INTS3: variants seen among roughly 807,000 people sequenced by gnomAD.
INTS3 encodes the protein SOSS complex subunit A.
In INTS3, 34 loss-of-function variants were observed where a neutral mutation model predicts 146.3. The observed-to-expected ratio is 0.23, with a 90% CI of 0.18 to 0.31. The LOEUF is 0.31. INTS3 is among the 10% of genes least tolerant of loss of function. The pLI is 1.00. For synonymous variants in INTS3, 475 were observed against 494.9 expected (o/e 0.96, Z 0.53); for missense variants, 757 against 1,304.2 (o/e 0.58, Z 6.46).
Position 153,733,130 on chromosome 1 carries a change from C to T in INTS3, c.150+4346C>T, listed in dbSNP as rs151006817. On this transcript the variant is annotated intron_variant, in intron 1 of 29. Transcript: ENST00000318967. ...TGCTGGGATTACAGGAATGAGCCACCGTGCCGGGCCAGAATTTAGTCTTTT... is the reference window on the plus strand; with the variant it reads ...TGCTGGGATTACAGGAATGAGCCACTGTGCCGGGCCAGAATTTAGTCTTTT... 1.7e-3 allele frequency among the ~76,000 whole-genome samples: 252 copies of T among 151,186 alleles called. 2 individuals are homozygous for T. Among genetic ancestry groups the T allele is most frequent in the African/African-American group, 5.7e-3 (234 of 41,174 alleles).
At chr1:153,755,695 C>T (rs1261737810) in intron 9 of INTS3, among the ~76,000 whole-genome samples, 1 of 152,184 alleles carries the variant, frequency 6.6e-6, no homozygotes, top group Non-Finnish European at 1.5e-5. Flanking sequence ...TGGTAGCCAC[C>T]AGCCATGTGT....
rs143686140 is a variant in INTS3, at chr1:153,748,898, G to A, written c.584+143G>A. The A allele has an allele frequency of 5.8e-4, 415 of 720,294 alleles. No individual in the cohort carries two copies. The African/African-American group carries it at 6.8e-3, about 12-fold the overall frequency. 44.6% of individuals were successfully genotyped at this position (720,294 alleles called of 1,614,324 possible). On this transcript the variant is annotated intron_variant, in intron 6 of 29. Transcript: ENST00000318967. Reference sequence around the variant, plus strand: ...GAGGCAAGGAGAGGGAGAGACAAGTGTATTGTTGGCAAGTGAAGAAATTAA... The same window carrying A: ...GAGGCAAGGAGAGGGAGAGACAAGTATATTGTTGGCAAGTGAAGAAATTAA...
At position 153,741,587 on chromosome 1, in the gene INTS3, T is replaced by G. The variant is rs112693156; in HGVS notation, c.318+219T>G. 3.2e-3 allele frequency among the ~76,000 whole-genome samples: 491 copies of G among 152,292 alleles called. 7 individuals carry two copies. The highest frequency in any genetic ancestry group is 0.011 in the African/African-American group (473 of 41,572). On this transcript the variant is annotated intron_variant, in intron 3 of 29. Transcript: ENST00000318967. ...AGATTCTGAAGCTAAATGGCAGTCA[T>G]GAAAGTGAAAAAACAGAGTTTTAAA...
chr1:153,737,131 G>A (rs1671325295), intron 1 of INTS3, among the ~76,000 whole-genome samples: 1 of 152,146 alleles, frequency 6.6e-6, no homozygotes, highest in South Asian at 2.1e-4. Flanking sequence ...TGCTGTGATA[G>A]AACCACTTCT....
chr1:153,764,767 C>T (rs952601803), intron 19 of INTS3, 33 bp downstream of exon 19: 2 of 1,575,218 alleles, frequency 1.3e-6, no homozygotes, highest in East Asian at 2.2e-5. Context: ...TACTGTTCTA[C>T]CCTCCATCCT....
Position 153,772,043 on chromosome 1 carries a change from G to A in INTS3, c.2720+80G>A. ...GTCGGTGGTGGTGGTGGTGGTGGTG[G>A]TGGTGGTGATGGGGGTCAGTGCTGT... On this transcript the variant is annotated intron_variant, in intron 26 of 29. Transcript: ENST00000318967. The surrounding 1 kb of genome is among the most constrained non-coding windows in gnomAD (Gnocchi z 4.6). 1 of 1,392,330 alleles carries A rather than the reference G, an allele frequency of 7.2e-7. No individual in the cohort carries two copies. Among genetic ancestry groups the A allele is most frequent in the South Asian group, 1.4e-5 (1 of 74,022 alleles). 86.2% of individuals were successfully genotyped at this position (1,392,330 alleles called of 1,614,324 possible). A position where few individuals can be genotyped will look rare whatever the true frequency, so the allele number is the denominator to read the frequency against.
At chr1:153,730,339 G>A (rs1671016436) in intron 1 of INTS3, among the ~76,000 whole-genome samples, 1 of 152,164 alleles carries the variant, frequency 6.6e-6, no homozygotes. Flanking sequence ...ATGACTTTAG[G>A]ACTGCCTGGC....
intron 1 of INTS3, among the ~76,000 whole-genome samples, chr1:153,730,746 T>C (rs965888090): frequency 6.6e-6 from 1 of 152,194 alleles, no homozygotes; most frequent in Admixed American, 6.5e-5. Context: ...TCTTTTTTTC[T>C]GATCTCCATA....
chr1:153,761,260 C>A, intron 13 of INTS3: 1 of 509,106 alleles, frequency 2.0e-6, no homozygotes, highest in Non-Finnish European at 3.4e-6. Flanking sequence ...CCTGTAATCC[C>A]AGCACTTTGG....
At chr1:153,738,292 G>A (rs1473258177) in intron 1 of INTS3, among the ~76,000 whole-genome samples, 1 of 151,798 alleles carries the variant, frequency 6.6e-6, no homozygotes, top group Admixed American at 6.6e-5. Flanking sequence ...AGAGATGGGG[G>A]TCTCCCTATA....
At position 153,770,326 on chromosome 1, in the gene INTS3, G is replaced by C. The variant is rs781537838; in HGVS notation, c.2503+15G>C. ...CAAATACAAGGGTGAGTAGGCTTTT[G>C]GGTAGGGAGCACATCAGATATGACA... On this transcript the variant is annotated intron_variant, in intron 24 of 29. Transcript: ENST00000318967. 3.4e-6 allele frequency: 5 copies of C among 1,467,962 alleles called. No individual in the cohort carries two copies. The highest frequency in any genetic ancestry group is 9.6e-7 in the Non-Finnish European group (1 of 1,046,818). 90.9% of individuals were successfully genotyped at this position (1,467,962 alleles called of 1,614,324 possible).
In INTS3 at chr1:153,770,244, G is replaced by A. The variant is rs983524484; in HGVS notation, c.2436G>A (p.Gln812=). ...WETFEQYCAW[Q]LFLAHNIPLE... ...CCTTTGAGCAGTATTGTGCCTGGCAGCTCTTTCTGGCCCACAATATTCCCC... is the reference window on the plus strand; with the variant it reads ...CCTTTGAGCAGTATTGTGCCTGGCAACTCTTTCTGGCCCACAATATTCCCC... Residue 812 remains glutamine, a synonymous_variant, in exon 24 of 30, where the codon CAG becomes CAA. Transcript: ENST00000318967. 1 of 1,613,540 alleles carries A rather than the reference G, an allele frequency of 6.2e-7. No individual in the cohort carries two copies. Among genetic ancestry groups the A allele is most frequent in the African/African-American group, 1.3e-5 (1 of 74,862 alleles).
In INTS3 at chr1:153,773,283, C is replaced by CCCAT. The variant is rs1672984802; in HGVS notation, c.*16_*19dup. The CCCAT allele has an allele frequency of 1.2e-6, 2 of 1,610,636 alleles. No homozygotes were observed. Among genetic ancestry groups the CCCAT allele is most frequent in the Non-Finnish European group, 1.7e-6 (2 of 1,176,962 alleles). On this transcript the variant is annotated 3_prime_UTR_variant, in exon 30 of 30. Coordinates refer to ENST00000318967, the MANE Select transcript of INTS3 (RefSeq NM_023015.5). ...TGACAGTGACTGAGGCCCTGCATTC[C>CCCAT]CCATCCCACCCCCGGCTGGACTGCC...
At chr1:153,753,342 G>A (rs1235364989) in intron 8 of INTS3, among the ~76,000 whole-genome samples, 2 of 151,720 alleles carry the variant, frequency 1.3e-5, no homozygotes, top group Admixed American at 6.6e-5. Context: ...GCGGATCACG[G>A]GGTCAAGAGT....
intron 3 of INTS3, 28 bp downstream of exon 3, chr1:153,741,396 A>G: frequency 2.0e-6 from 3 of 1,496,816 alleles, no homozygotes; most frequent in Non-Finnish European, 2.8e-6. Flanking sequence ...GGACCCATAA[A>G]CCCTCCTCAT....
Position 153,772,280 on chromosome 1 carries a change from G to GT in INTS3, c.2721-59dup. The stretch of plus-strand genomic sequence containing the variant: ...TTAAGGGGGCCCTGGCGGGTGGAGG[G>GT]TGTCTCGCACTCTGGAACCCTCCCA... On this transcript the variant is annotated intron_variant, in intron 26 of 29. Coordinates refer to ENST00000318967, the MANE Select transcript of INTS3 (RefSeq NM_023015.5). The surrounding 1 kb of genome is among the most constrained non-coding windows in gnomAD (Gnocchi z 4.6). 6.4e-7 allele frequency: 1 copy of GT among 1,568,692 alleles called. No individual in the cohort carries two copies. The highest frequency in any genetic ancestry group is 8.7e-7 in the Non-Finnish European group (1 of 1,150,440).
Position 153,767,790 on chromosome 1 carries a change from G to A in INTS3, c.2207G>A (p.Arg736Gln). 6.4e-7 allele frequency: 1 copy of A among 1,567,478 alleles called. No homozygotes were observed. The highest frequency in any genetic ancestry group is 8.6e-7 in the Non-Finnish European group (1 of 1,156,218). Reference sequence around the variant, plus strand: ...AAGGCCTGCCAGGAGGACGATGTGCGGCTCCTGTGCCACCTCACGCCCTCC... The same window carrying A: ...AAGGCCTGCCAGGAGGACGATGTGCAGCTCCTGTGCCACCTCACGCCCTCC... ...DMKACQEDDV[R>Q]LLCHLTPSIY... The change falls in exon 21 of 30, where the codon CGG (arginine) becomes CAG (glutamine). Residue 736 changes from arginine to glutamine, a missense_variant. By Grantham distance (43) the Arg-to-Gln change is conservative. Around this residue, in one of 8 missense-constraint regions of INTS3, gnomAD observed 116 missense variants for 226.5 expected, o/e 0.51. Coordinates refer to ENST00000318967, the MANE Select transcript of INTS3 (RefSeq NM_023015.5).
Position 153,757,505 on chromosome 1 carries a change from C to T in INTS3, c.958-67C>T, listed in dbSNP as rs1314968457. On this transcript the variant is annotated intron_variant, in intron 9 of 29. Transcript: ENST00000318967. The surrounding 1 kb of genome is among the most constrained non-coding windows in gnomAD (Gnocchi z 4.0). ...GGCAAACCTAGAGTTAAGTGGTGCT[C>T]GTTTTCCTCTGGCCAAGGACCCCAC... 2.1e-6 allele frequency: 3 copies of T among 1,409,962 alleles called. No individual in the cohort carries two copies. The highest frequency in any genetic ancestry group is 2.0e-6 in the Non-Finnish European group (2 of 1,010,016). 87.3% of individuals were successfully genotyped at this position (1,409,962 alleles called of 1,614,324 possible). A position where few individuals can be genotyped will look rare whatever the true frequency, so the allele number is the denominator to read the frequency against.
chr1:153,748,432 C>T (rs907232991), intron 5 of INTS3: 6 of 511,552 alleles, frequency 1.2e-5, no homozygotes, highest in Non-Finnish European at 2.1e-5. Context: ...CCAAAATGTT[C>T]CCACTCCAAC....
Sources: allele counts gnomAD v4.1 joint callset (sites outside exome capture counted in the v4.1 genomes callset), GRCh38; gene constraint gnomAD v4.1.1; regional missense constraint gnomAD v4.1.1; non-coding constraint Gnocchi (gnomAD v3.1); transcripts MANE v1.5; gene names NCBI Gene and HGNC (gene_info 2026-07-23, HGNC 2026-07-21).